Variants in C4orf51 observed in about 807,000 individuals in gnomAD.
C4orf51 encodes uncharacterized protein C4orf51.
Under a neutral mutation model 25.2 loss-of-function variants are expected in C4orf51, and 25 were observed. The observed-to-expected ratio is 0.99, with a 90% CI of 0.72 to 1.39. The LOEUF is 1.39. Among genes scored for constraint, C4orf51 ranks in the 40% most tolerant of loss-of-function variants. The pLI is 0.00. For synonymous variants in C4orf51, 100 were observed against 84.5 expected (o/e 1.18, Z -1.01); for missense variants, 252 against 239.6 (o/e 1.05, Z -0.34).
downstream of C4orf51, chr4:145,775,702 G>A (rs145013746): frequency 1.9e-5 from 29 of 1,500,788 alleles, no homozygotes; most frequent in East Asian, 4.5e-5. Context: ...AAGGGGCCTC[G>A]TGATGTATGC....
intron 1 of C4orf51, among the ~76,000 whole-genome samples, chr4:145,680,785 TA>T (rs1456206503): frequency 2.6e-5 from 4 of 152,184 alleles, no homozygotes; most frequent in Non-Finnish European, 4.4e-5. Flanking sequence ...TTCAGGAGCT[TA>T]AAACTTCCTT....
intron 2 of C4orf51, among the ~76,000 whole-genome samples, chr4:145,711,594 C>T (rs752846073): frequency 1.3e-5 from 2 of 152,058 alleles, no homozygotes; most frequent in Non-Finnish European, 2.9e-5. Flanking sequence ...AGCCTTTCCT[C>T]ATTTCTTTTC....
At chr4:145,737,355 T>C (rs564476942), downstream of C4orf51, among the ~76,000 whole-genome samples, 74 of 152,348 alleles carry the variant, frequency 4.9e-4, no homozygotes, top group Non-Finnish European at 8.2e-4. Context: ...TATAGTGACA[T>C]ATTATGCAAA....
the C4orf51 span, among the ~76,000 whole-genome samples, chr4:145,779,071 G>A: frequency 1.4e-5 from 2 of 144,402 alleles, no homozygotes; most frequent in Non-Finnish European, 3.0e-5. Flanking sequence ...GTGTCCCCCT[G>A]TCCTTCACTT....
chr4:145,755,607 G>A (rs570240661), downstream of C4orf51, among the ~76,000 whole-genome samples: 7 of 152,274 alleles, frequency 4.6e-5, no homozygotes, highest in African/African-American at 7.2e-5. Context: ...TCATAAAGAA[G>A]AAGAGGCCTT....
intron 2 of C4orf51, among the ~76,000 whole-genome samples, chr4:145,710,083 G>A (rs1402991451): frequency 6.6e-6 from 1 of 152,190 alleles, no homozygotes; most frequent in Non-Finnish European, 1.5e-5. Context: ...ACGTACCTGA[G>A]TCACAGCACC....
chr4:145,791,724 T>C, the C4orf51 span, among the ~76,000 whole-genome samples: 1 of 152,230 alleles, frequency 6.6e-6, no homozygotes, highest in Non-Finnish European at 1.5e-5. Context: ...TATTTAGCAC[T>C]GATTTTACTC....
intron 1 of C4orf51, among the ~76,000 whole-genome samples, chr4:145,690,646 A>G (rs937015982): frequency 6.6e-6 from 1 of 152,206 alleles, no homozygotes; most frequent in African/African-American, 2.4e-5. Flanking sequence ...ACCTCATTAA[A>G]CCACAGAGCT....
rs557709186 is a variant in C4orf51, at chr4:145,726,523, T to G, written c.308-388T>G. ...CTCAGGCAATCCTCCTGCCTTAGCC[T>G]CCCTGGTAGCTGGAACCCCAGGAGC... On this transcript the variant is annotated intron_variant, in intron 2 of 5. Coordinates refer to ENST00000438731, the MANE Select transcript of C4orf51 (RefSeq NM_001080531.3). Among the ~76,000 whole-genome samples the G allele has an allele frequency of 3.9e-5, 6 of 152,220 alleles. No individual in the cohort carries two copies. In the East Asian group the frequency reaches 1.2e-3, roughly 29 times the overall value.
At chr4:145,760,860 C>G in intron 1 of C4orf51, 1 of 1,216,534 alleles carries the variant, frequency 8.2e-7, no homozygotes, top group Non-Finnish European at 1.0e-6. Context: ...GAGGCGCAGT[C>G]TGAGGTCGGG....
intron 5 of C4orf51, among the ~76,000 whole-genome samples, chr4:145,731,422 T>G (rs924632566): frequency 6.6e-6 from 1 of 151,934 alleles, no homozygotes. Flanking sequence ...GTTTTTGTGG[T>G]GCAATAACAG....
intron 1 of C4orf51, 48 bp downstream of exon 1, chr4:145,680,484 C>T (rs372404990): frequency 1.1e-5 from 15 of 1,359,436 alleles, no homozygotes; most frequent in Non-Finnish European, 1.3e-5. Context: ...TATAAATAGA[C>T]AAGAGTGCTC....
chr4:145,751,517 G>A (rs901833750), intron 1 of C4orf51, among the ~76,000 whole-genome samples: 1 of 152,162 alleles, frequency 6.6e-6, no homozygotes, highest in African/African-American at 2.4e-5. Flanking sequence ...TGAGCTGCCT[G>A]GAACTGGGGA....
chr4:145,700,358 C>T (rs1730354870), intron 2 of C4orf51, among the ~76,000 whole-genome samples: 2 of 152,096 alleles, frequency 1.3e-5, no homozygotes, highest in African/African-American at 4.8e-5. Context: ...TCTCTTTTCT[C>T]TAGGTTTGCC....
intron 2 of C4orf51, among the ~76,000 whole-genome samples, chr4:145,724,572 C>G (rs1406362459): frequency 6.6e-6 from 1 of 152,078 alleles, no homozygotes; most frequent in African/African-American, 2.4e-5. Flanking sequence ...CACAAGATAA[C>G]TCAGTATAAT....
intron 2 of C4orf51, among the ~76,000 whole-genome samples, chr4:145,726,198 A>C (rs1732045306): frequency 6.6e-6 from 1 of 152,180 alleles, no homozygotes; most frequent in Non-Finnish European, 1.5e-5. Context: ...ACCCATAATA[A>C]TTGCATCTAT....
chr4:145,779,027 C>A, the C4orf51 span, among the ~76,000 whole-genome samples: 15 of 152,134 alleles, frequency 9.9e-5, no homozygotes, highest in Non-Finnish European at 1.9e-4. Flanking sequence ...CTGCTCCCAC[C>A]CACAACAATA....
At chr4:145,790,880 AT>A in the C4orf51 span, among the ~76,000 whole-genome samples, 5 of 152,240 alleles carry the variant, frequency 3.3e-5, no homozygotes, top group Non-Finnish European at 5.9e-5. Flanking sequence ...GTTTTAGCAC[AT>A]TATAACATTT....
Position 145,765,423 on chromosome 4 carries a change from C to A in C4orf51, n.167-5565C>A. The A allele has an allele frequency of 8.2e-7, 1 of 1,223,740 alleles. No individual in the cohort carries two copies. The highest frequency in any genetic ancestry group is 1.1e-6 in the Non-Finnish European group (1 of 890,864). The allele number at this position is 1,223,740 out of a possible 1,614,324, so 75.8% of individuals were successfully genotyped here. A position where few individuals can be genotyped will look rare whatever the true frequency, so the allele number is the denominator to read the frequency against. ...AAGAAATACAACCTTTAGGTGAGGC[C>A]CAGCATACTGCATCCTGGGCCTATT... On this transcript the variant is annotated intron_variant and non_coding_transcript_variant, in intron 1 of 1. Coordinates refer to the C4orf51 transcript ENST00000510096. The surrounding 1 kb of genome is among the most constrained non-coding windows in gnomAD (Gnocchi z 4.7).
Sources: allele counts gnomAD v4.1 joint callset (sites outside exome capture counted in the v4.1 genomes callset), GRCh38; gene constraint gnomAD v4.1.1; non-coding constraint Gnocchi (gnomAD v3.1); transcripts MANE v1.5; gene names NCBI Gene and HGNC (gene_info 2026-07-23, HGNC 2026-07-21).